The following PLCB1 variants were observed in gnomAD, a reference collection of about 807,000 sequenced individuals.
The protein encoded by PLCB1 is 1-phosphatidylinositol 4,5-bisphosphate phosphodiesterase beta-1.
Under a neutral mutation model 161.8 loss-of-function variants are expected in PLCB1, and 46 were observed. The ratio of observed to expected loss-of-function variants is 0.28; its 90% CI spans 0.22 to 0.36. The LOEUF (loss-of-function observed/expected upper bound fraction) is 0.36. Ranked by LOEUF, PLCB1 falls within the 10% of genes least tolerant of loss-of-function variation. The probability of loss-of-function intolerance (pLI) is 1.00; values close to 1 mark genes in which losing one functional copy is unlikely to be tolerated. For missense variants in PLCB1, 1,016 were observed against 1,472.5 expected, an observed-to-expected ratio of 0.69 and a Z score of 5.07; for synonymous variants, 517 against 503.7, an observed-to-expected ratio of 1.03 and a Z score of -0.35.
At chr20:8,200,546 G>T (rs922820752) in intron 2 of PLCB1, among the ~76,000 whole-genome samples, 1 of 151,726 alleles carries the variant, frequency 6.6e-6, no homozygotes, top group Non-Finnish European at 1.5e-5. Context: ...TTCAAAATTG[G>T]TTATTCTTGT....
intron 27 of PLCB1, 129 bp from the exon 28 acceptor site, chr20:8,788,320 G>A: frequency 1.3e-6 from 1 of 798,700 alleles, no homozygotes; most frequent in East Asian, 2.7e-5. Context: ...TTAGATGTCT[G>A]ACAACTTTAA....
intron 3 of PLCB1, among the ~76,000 whole-genome samples, chr20:8,409,462 A>ATTC (rs869093426): frequency 6.6e-6 from 1 of 150,448 alleles, no homozygotes; most frequent in East Asian, 2.0e-4. Context: ...TATTATTATT[A>ATTC]TTGTTATTAT....
intron 31 of PLCB1, among the ~76,000 whole-genome samples, chr20:8,810,354 C>T (rs921313368): frequency 2.0e-5 from 3 of 152,136 alleles, no homozygotes; most frequent in East Asian, 1.9e-4. Context: ...CACCATAGTA[C>T]GTGTGTTTTC....
chr20:8,229,468 C>T lies in PLCB1; in HGVS notation c.177+79097C>T, dbSNP rs180958674. Among the ~76,000 whole-genome samples, 1,090 of 152,188 alleles carry T rather than the reference C, an allele frequency of 7.2e-3. 12 individuals are homozygous for T. Among genetic ancestry groups the T allele is most frequent in the Non-Finnish European group, 9.2e-3 (623 of 68,018 alleles). On this transcript the variant is annotated intron_variant, in intron 2 of 31. Coordinates refer to ENST00000338037, the MANE Select transcript of PLCB1 (RefSeq NM_015192.4). ...CCACAGTCCAATACTATAGCCAGTACTCACATGCAGATGTTTAAAGTTAAA... is the reference window on the plus strand; with the variant it reads ...CCACAGTCCAATACTATAGCCAGTATTCACATGCAGATGTTTAAAGTTAAA...
chr20:8,830,987 G>A (rs1838719155), intron 31 of PLCB1, among the ~76,000 whole-genome samples: 1 of 152,174 alleles, frequency 6.6e-6, no homozygotes, highest in Admixed American at 6.5e-5. Context: ...GCATCTCTCT[G>A]CCACATGATG....
chr20:8,807,447 G>A (rs1054713196), intron 31 of PLCB1, among the ~76,000 whole-genome samples: 6 of 151,932 alleles, frequency 3.9e-5, no homozygotes, highest in Non-Finnish European at 5.9e-5. Context: ...AATGAAAATT[G>A]CTCACATTTA....
chr20:8,881,478 C>T (rs1326206818), intron 31 of PLCB1, 144 bp from the exon 32 acceptor site: 4 of 674,518 alleles, frequency 5.9e-6, no homozygotes, highest in Admixed American at 5.3e-5. Flanking sequence ...TTTGTTACAT[C>T]TCCTCTATAG....
intron 3 of PLCB1, among the ~76,000 whole-genome samples, chr20:8,447,219 C>T (rs1224761960): frequency 6.6e-6 from 1 of 152,092 alleles, no homozygotes; most frequent in Non-Finnish European, 1.5e-5. Flanking sequence ...AGGTAAACAA[C>T]CAAGAGAGCT....
chr20:8,630,998 T>C (rs764108376), intron 4 of PLCB1, among the ~76,000 whole-genome samples: 5 of 152,204 alleles, frequency 3.3e-5, no homozygotes, highest in Non-Finnish European at 7.3e-5. Flanking sequence ...CCCAGTATAA[T>C]TAATGAAGCT....
chr20:8,588,722 T>A (rs1365414245), intron 3 of PLCB1, among the ~76,000 whole-genome samples: 1 of 152,160 alleles, frequency 6.6e-6, no homozygotes, highest in African/African-American at 2.4e-5. Flanking sequence ...GATTTTTGAC[T>A]TCCAGCCTCC....
At chr20:8,757,842 C>T (rs1288815271) in intron 24 of PLCB1, among the ~76,000 whole-genome samples, 1 of 149,126 alleles carries the variant, frequency 6.7e-6, no homozygotes, top group Non-Finnish European at 1.5e-5. Context: ...ACACTCTTGT[C>T]TCATTTCTCA....
intron 2 of PLCB1, among the ~76,000 whole-genome samples, chr20:8,325,640 A>G (rs1985121410): frequency 6.6e-6 from 1 of 152,224 alleles, no homozygotes; most frequent in Non-Finnish European, 1.5e-5. Flanking sequence ...GACAAGGGTC[A>G]GGAAGGTTAA....
chr20:8,865,590 G>A (rs1027455351), intron 31 of PLCB1, among the ~76,000 whole-genome samples: 2 of 152,148 alleles, frequency 1.3e-5, no homozygotes, highest in Admixed American at 1.3e-4. Flanking sequence ...TCCAACATAA[G>A]AGTTTCCAGT....
chr20:8,676,395 A>G, intron 9 of PLCB1, among the ~76,000 whole-genome samples: 1 of 150,368 alleles, frequency 6.7e-6, no homozygotes, highest in Admixed American at 6.6e-5. Flanking sequence ...AAGAGAGACA[A>G]AGAAAGAAAG....
At chr20:8,373,528 C>T (rs1051230179) in intron 3 of PLCB1, among the ~76,000 whole-genome samples, 7 of 152,076 alleles carry the variant, frequency 4.6e-5, no homozygotes, top group Non-Finnish European at 7.3e-5. Flanking sequence ...GTGTGTTTTC[C>T]GCCTCCAGAA....
chr20:8,594,440 G>T (rs762573796), intron 3 of PLCB1, among the ~76,000 whole-genome samples: 1 of 152,122 alleles, frequency 6.6e-6, no homozygotes, highest in Non-Finnish European at 1.5e-5. Flanking sequence ...AGTCATTGGG[G>T]ATCTGGTTAA....
chr20:8,415,372 A>G (rs1472944440), intron 3 of PLCB1, among the ~76,000 whole-genome samples: 1 of 152,226 alleles, frequency 6.6e-6, no homozygotes, highest in Non-Finnish European at 1.5e-5. Flanking sequence ...GGAAGGAAAC[A>G]TTATAAGTGT....
chr20:8,457,566 CTTATT>C (rs1268948985), intron 3 of PLCB1, among the ~76,000 whole-genome samples: 1 of 152,140 alleles, frequency 6.6e-6, no homozygotes, highest in Non-Finnish European at 1.5e-5. Flanking sequence ...CTATTAAAAT[CTTATT>C]TTAATCAGTC....
intron 2 of PLCB1, among the ~76,000 whole-genome samples, chr20:8,230,187 G>A (rs1723635354): frequency 1.3e-5 from 2 of 151,318 alleles, no homozygotes; most frequent in Non-Finnish European, 2.9e-5. Flanking sequence ...AAAAGTAGAA[G>A]CCCTACTCTG....
Sources: gnomAD v4.1 joint callset for allele counts (sites outside exome capture counted in the v4.1 genomes callset) on GRCh38, gnomAD v4.1.1 for gene constraint, MANE v1.5 for transcripts, NCBI Gene and HGNC (gene_info 2026-07-23, HGNC 2026-07-21) for gene names.